SLIT3: variants seen among roughly 807,000 people sequenced by gnomAD.
SLIT3 encodes the protein slit homolog 3 protein.
In SLIT3, 68 loss-of-function variants were observed where a neutral mutation model predicts 184.0. The observed-to-expected ratio is 0.37, with a 90% CI of 0.30 to 0.45. The LOEUF (loss-of-function observed/expected upper bound fraction) is 0.45, where lower values mean the gene tolerates loss of function less well. Among genes scored for constraint, SLIT3 ranks in the 20% least tolerant of loss-of-function variants. The pLI, the probability that SLIT3 is intolerant of heterozygous loss-of-function variation, is 1.00. For synonymous variants in SLIT3, 831 were observed against 828.6 expected, an observed-to-expected ratio of 1.00 and a Z score of -0.05; for missense variants, 1,707 against 2,026.0, an observed-to-expected ratio of 0.84 and a Z score of 3.02.
chr5:168,672,716 C>A (rs554367096), intron 33 of SLIT3, among the ~76,000 whole-genome samples: 1 of 152,190 alleles, frequency 6.6e-6, no homozygotes, highest in Non-Finnish European at 1.5e-5. Flanking sequence ...TCAAGTGATC[C>A]TCCCACCTCA....
chr5:168,920,082 C>T (rs1197824710), intron 4 of SLIT3, among the ~76,000 whole-genome samples: 1 of 152,124 alleles, frequency 6.6e-6, no homozygotes, highest in East Asian at 1.9e-4. Flanking sequence ...ATCTCTAGCA[C>T]CTTGCATTGC....
intron 4 of SLIT3, among the ~76,000 whole-genome samples, chr5:168,928,360 C>T (rs1029608442): frequency 4.6e-5 from 7 of 152,172 alleles, no homozygotes; most frequent in African/African-American, 1.7e-4. Context: ...TTAGAACGTT[C>T]TTCTGTATAG....
At chr5:168,823,898 G>A (rs2974438) in intron 6 of SLIT3, among the ~76,000 whole-genome samples, 28,837 of 152,050 alleles carry the variant, frequency 0.19, 2,968 homozygotes, top group South Asian at 0.31. Context: ...AGGATGCTGT[G>A]GGGATAGGTG....
At chr5:168,805,468 A>AT (rs1429205819) in intron 9 of SLIT3, among the ~76,000 whole-genome samples, 1 of 152,212 alleles carries the variant, frequency 6.6e-6, no homozygotes, top group Non-Finnish European at 1.5e-5. Context: ...TGATCTTTTT[A>AT]ATCAAGCCAA....
chr5:168,768,128 G>A lies in SLIT3; in HGVS notation c.1459+4653C>T, dbSNP rs540704894. ...AGGAGAGGTGTCCAGCGGTGGTGGCGGCGGTGGCGGGCCATGCTGCAGGAG... is the reference window on the plus strand; with the variant it reads ...AGGAGAGGTGTCCAGCGGTGGTGGCAGCGGTGGCGGGCCATGCTGCAGGAG... On this transcript the variant is annotated intron_variant, in intron 14 of 35. Transcript: ENST00000519560. 1.2e-4 allele frequency: 61 copies of A among 492,908 alleles called. 1 individual carries two copies. Among genetic ancestry groups the A allele is most frequent in the South Asian group, 5.4e-4 (36 of 66,336 alleles). The allele number at this position is 492,908 out of a possible 1,614,324, so 30.5% of individuals were successfully genotyped here. A position where few individuals can be genotyped will look rare whatever the true frequency, so the allele number is the denominator to read the frequency against.
intron 26 of SLIT3, among the ~76,000 whole-genome samples, chr5:168,702,259 T>C (rs1259659765): frequency 2.0e-5 from 3 of 152,278 alleles, no homozygotes; most frequent in East Asian, 1.9e-4. Flanking sequence ...TTTATATTCA[T>C]GATCGCATAT....
At chr5:169,221,868 G>A (rs1274074182) in intron 3 of SLIT3, among the ~76,000 whole-genome samples, 3 of 152,186 alleles carry the variant, frequency 2.0e-5, no homozygotes, top group African/African-American at 7.2e-5. Flanking sequence ...TGCAGAGATT[G>A]CTTTACATCT....
chr5:169,076,694 TC>T (rs1175683322), intron 4 of SLIT3, among the ~76,000 whole-genome samples: 2 of 152,156 alleles, frequency 1.3e-5, no homozygotes, highest in Non-Finnish European at 2.9e-5. Flanking sequence ...GAAATTCTAG[TC>T]CTTGAAAACT....
intron 1 of SLIT3, among the ~76,000 whole-genome samples, chr5:169,272,341 G>C (rs552147966): frequency 1.5e-4 from 23 of 152,366 alleles, no homozygotes; most frequent in African/African-American, 5.5e-4. Flanking sequence ...TGGGCATGCA[G>C]TCCCTAGTTC....
At chr5:168,711,110 C>T (rs771527665) in intron 24 of SLIT3, 52 bp from the exon 25 acceptor site, 80 of 1,440,656 alleles carry the variant, frequency 5.6e-5, no homozygotes, top group Non-Finnish European at 6.8e-5. Flanking sequence ...GGCCAGTAGC[C>T]TTCATATCCT....
chr5:168,749,780 T>C, intron 18 of SLIT3, 145 bp from the exon 19 acceptor site: 4 of 788,164 alleles, frequency 5.1e-6, no homozygotes, highest in Non-Finnish European at 8.1e-6. Flanking sequence ...GCAGTCTCTG[T>C]GAGGGTCTCA....
At position 168,710,879 on chromosome 5, in the gene SLIT3, T is replaced by C. The variant is rs567695124; in HGVS notation, c.2719+16A>G. The C allele has an allele frequency of 2.0e-6, 3 of 1,496,010 alleles. No individual in the cohort carries two copies. In the Admixed American group the frequency reaches 6.4e-5, roughly 32 times the overall value. 92.7% of individuals were successfully genotyped at this position (1,496,010 alleles called of 1,614,324 possible). ...CCAAGAGGGGCAGGGGAGGGTGGGG[T>C]GTGGGCGTCACCTACCTTTGCACTG... is the stretch of plus-strand genomic sequence containing the variant. On this transcript the variant is annotated intron_variant, in intron 25 of 35. Coordinates refer to ENST00000519560, the MANE Select transcript of SLIT3 (RefSeq NM_003062.4).
intron 3 of SLIT3, among the ~76,000 whole-genome samples, chr5:169,211,155 A>C (rs1328555135): frequency 1.3e-5 from 2 of 152,160 alleles, no homozygotes; most frequent in African/African-American, 4.8e-5. Flanking sequence ...CATCTGAAAC[A>C]GCCAAACCCA....
chr5:168,749,400 A>G (rs1481121734), intron 19 of SLIT3, 72 bp downstream of exon 19: 1 of 1,555,348 alleles, frequency 6.4e-7, no homozygotes, highest in Non-Finnish European at 8.8e-7. Context: ...GGAGTATCTG[A>G]TTGTGCATCT....
chr5:168,900,084 A>G (rs1342849306), intron 4 of SLIT3, among the ~76,000 whole-genome samples: 4 of 152,222 alleles, frequency 2.6e-5, no homozygotes, highest in African/African-American at 9.6e-5. Context: ...TAAAACCACA[A>G]TGAGATATCA....
chr5:169,117,195 C>A (rs1760703763), intron 4 of SLIT3, among the ~76,000 whole-genome samples: 1 of 152,070 alleles, frequency 6.6e-6, no homozygotes, highest in African/African-American at 2.4e-5. Context: ...CCTAGGGCAC[C>A]CATAAAAATA....
At chr5:169,105,225 G>A (rs1760160220) in intron 4 of SLIT3, among the ~76,000 whole-genome samples, 2 of 152,060 alleles carry the variant, frequency 1.3e-5, no homozygotes, top group Non-Finnish European at 2.9e-5. Flanking sequence ...TGTGGGTGGG[G>A]GACGGCTTCC....
Position 168,754,003 on chromosome 5 carries a change from G to T in SLIT3, c.1690C>A (p.Leu564Met), listed in dbSNP as rs1305877660. 1 of 1,580,282 alleles carries T rather than the reference G, an allele frequency of 6.3e-7. No individual in the cohort carries two copies. Among genetic ancestry groups the T allele is most frequent in the African/African-American group, 1.3e-5 (1 of 74,256 alleles). The change falls in exon 17 of 36, where the codon CTG becomes ATG. Residue 564 changes from leucine (L) to methionine (M), a missense_variant. Leu to Met is a conservative substitution (Grantham distance 15). Around this residue, in one of 3 missense-constraint regions of SLIT3, gnomAD observed 1,307 missense variants for 1,511.6 expected, o/e 0.86. Coordinates refer to ENST00000519560, the MANE Select transcript of SLIT3 (RefSeq NM_003062.4). ...KKLPNLRKIN[L>M]SNNKIKEVRE... ...ACCTCCTTGATCTTATTGTTACTCA[G>T]ATTTCTAGAAGGAAGAAACAGAATA...
chr5:169,014,985 T>C (rs1031917498), intron 4 of SLIT3, among the ~76,000 whole-genome samples: 2 of 151,840 alleles, frequency 1.3e-5, no homozygotes, highest in African/African-American at 4.8e-5. Flanking sequence ...CCTCAGAAGG[T>C]GGCAATAATG....
Sources: allele counts gnomAD v4.1 joint callset (sites outside exome capture counted in the v4.1 genomes callset), GRCh38; gene constraint gnomAD v4.1.1; regional missense constraint gnomAD v4.1.1; transcripts MANE v1.5; gene names NCBI Gene and HGNC (gene_info 2026-07-23, HGNC 2026-07-21).